Variants in ADCY5 observed in about 807,000 individuals in gnomAD.
The protein encoded by ADCY5 is adenylate cyclase 5.
In ADCY5, 30 loss-of-function variants were observed where a neutral mutation model predicts 119.7. The ratio of observed to expected loss-of-function variants is 0.25; its 90% CI spans 0.19 to 0.34. The LOEUF (loss-of-function observed/expected upper bound fraction) is 0.34. Ranked by LOEUF, ADCY5 falls within the 10% of genes least tolerant of loss-of-function variation. ADCY5 has a pLI of 1.00. For missense variants in ADCY5, 1,324 were observed against 1,775.2 expected (o/e 0.75, Z 4.57); for synonymous variants, 753 against 762.2 (o/e 0.99, Z 0.20).
chr3:123,374,444 G>A (rs1021844976), intron 1 of ADCY5, among the ~76,000 whole-genome samples: 5 of 152,220 alleles, frequency 3.3e-5, no homozygotes, highest in Admixed American at 3.3e-4. Context: ...TGCTTACAGT[G>A]TGCAGGTATA....
At position 123,449,003 on chromosome 3, in the gene ADCY5, G is replaced by C. The variant is rs1945883044; in HGVS notation, c.-458C>G. The C allele has an allele frequency of 6.3e-6, 1 of 157,684 alleles. No homozygotes were observed. The highest frequency in any genetic ancestry group is 2.4e-5 in the African/African-American group (1 of 41,658). 9.8% of individuals were successfully genotyped at this position (157,684 alleles called of 1,614,324 possible). A position where few individuals can be genotyped will look rare whatever the true frequency, so the allele number is the denominator to read the frequency against. On this transcript the variant is annotated 5_prime_UTR_variant, in exon 1 of 21. Transcript: ENST00000462833. ...CTAAGCGGAGCCCAGCTGCTCTCGGGGCTCGGCGGCGGCGAGGGCGGCTCG... is the reference window on the plus strand; with the variant it reads ...CTAAGCGGAGCCCAGCTGCTCTCGGCGCTCGGCGGCGGCGAGGGCGGCTCG...
intron 7 of ADCY5, among the ~76,000 whole-genome samples, chr3:123,326,784 GTGTCCCTCTGA>G (rs61189424): frequency 0.47 from 71,064 of 151,740 alleles, 18,285 homozygotes; most frequent in Non-Finnish European, 0.6. Flanking sequence ...GTAGGATAAG[GTGTCCCTCTGA>G]TGTCCCTCTT....
At chr3:123,288,284 G>A (rs1014971375) in intron 19 of ADCY5, among the ~76,000 whole-genome samples, 5 of 152,248 alleles carry the variant, frequency 3.3e-5, no homozygotes, top group Admixed American at 3.3e-4. Flanking sequence ...GGTATAATGT[G>A]TTAATTTTGA....
intron 1 of ADCY5, among the ~76,000 whole-genome samples, chr3:123,445,742 T>C (rs9823553): frequency 0.99 from 150,478 of 152,264 alleles, 74,384 homozygotes; most frequent in East Asian, 1. Flanking sequence ...ACTTACTCCA[T>C]TCACTGGACC....
At chr3:123,431,935 C>A (rs774141440) in intron 1 of ADCY5, among the ~76,000 whole-genome samples, 1 of 152,186 alleles carries the variant, frequency 6.6e-6, no homozygotes, top group Non-Finnish European at 1.5e-5. Context: ...TCAATCCTGG[C>A]GCACAACAGA....
At position 123,286,847 on chromosome 3, in the gene ADCY5, C is replaced by T. The variant is rs1017888145; in HGVS notation, c.3533-38G>A. 3.2e-6 allele frequency: 5 copies of T among 1,543,006 alleles called. No individual in the cohort carries two copies. The African/African-American group carries it at 5.5e-5, about 17-fold the overall frequency. Reference sequence around the variant, plus strand: ...GGAATCAGCCACAGTCATCACATCTCTGGCTTGACCTTGCCACCATCTGTC... The same window carrying T: ...GGAATCAGCCACAGTCATCACATCTTTGGCTTGACCTTGCCACCATCTGTC... On this transcript the variant is annotated intron_variant, in intron 19 of 20. Transcript: ENST00000462833. The surrounding 1 kb of genome is among the most constrained non-coding windows in gnomAD (Gnocchi z 4.2).
rs1287494320 is a variant in ADCY5, at chr3:123,447,918, G to A, written c.628C>T (p.Leu210=). ...GAVLSLGACC[L]ALLQIFRSKK... is the part of the protein sequence containing the mutation. Reference sequence around the variant, plus strand: ...GAGCGGAATATCTGCAGCAACGCCAGGCAGCAGGCGCCCAGGGACAGCACC... The same window carrying A: ...GAGCGGAATATCTGCAGCAACGCCAAGCAGCAGGCGCCCAGGGACAGCACC... Residue 210 remains leucine, a synonymous_variant, in exon 1 of 21, where the codon CTG becomes TTG. Coordinates refer to ENST00000462833, the MANE Select transcript of ADCY5 (RefSeq NM_183357.3). 2 of 1,607,320 alleles carry A rather than the reference G, an allele frequency of 1.2e-6. No homozygotes were observed. Among genetic ancestry groups the A allele is most frequent in the Admixed American group, 1.7e-5 (1 of 59,584 alleles).
intron 1 of ADCY5, among the ~76,000 whole-genome samples, chr3:123,400,018 A>G (rs1221990417): frequency 6.6e-6 from 1 of 152,218 alleles, no homozygotes; most frequent in Admixed American, 6.5e-5. Flanking sequence ...CAGTAAGCAC[A>G]ATGAACATGG....
In ADCY5 at chr3:123,447,911, A is replaced by G. The variant is rs762626476; in HGVS notation, c.635T>C (p.Leu212Ser). The G allele has an allele frequency of 6.2e-7, 1 of 1,609,378 alleles. No homozygotes were observed. Among genetic ancestry groups the G allele is most frequent in the Admixed American group, 1.7e-5 (1 of 59,744 alleles). Residue 212 changes from leucine to serine, a missense_variant, in exon 1 of 21, where the codon TTG becomes TCG. Around this residue, in one of 6 missense-constraint regions of ADCY5, gnomAD observed 585 missense variants for 569.9 expected, o/e 1.03. Coordinates refer to ENST00000462833, the MANE Select transcript of ADCY5 (RefSeq NM_183357.3). The stretch of plus-strand genomic sequence containing the variant: ...CTTCTTGGAGCGGAATATCTGCAGC[A>G]ACGCCAGGCAGCAGGCGCCCAGGGA... Reference protein sequence around the residue: ...VLSLGACCLALLQIFRSKKFP... With the variant: ...VLSLGACCLASLQIFRSKKFP...
Position 123,406,911 on chromosome 3 carries a change from G to A in ADCY5, c.1134+40501C>T, listed in dbSNP as rs575528511. 2.7e-4 allele frequency among the ~76,000 whole-genome samples: 41 copies of A among 152,198 alleles called. No homozygotes were observed. The South Asian group carries it at 3.3e-3, about 12-fold the overall frequency. On this transcript the variant is annotated intron_variant, in intron 1 of 20. Transcript: ENST00000462833. ...GCACACCCACCCTGCAGGCCAAGCCGCCGCCACTGCTCCTGCTCCTATGGG... is the reference window on the plus strand; with the variant it reads ...GCACACCCACCCTGCAGGCCAAGCCACCGCCACTGCTCCTGCTCCTATGGG...
intron 3 of ADCY5, among the ~76,000 whole-genome samples, chr3:123,344,300 T>C (rs934157818): frequency 6.6e-6 from 1 of 152,204 alleles, no homozygotes; most frequent in Admixed American, 6.5e-5. Flanking sequence ...AATTGATGAA[T>C]GTGACTCATC....
chr3:123,448,197 G>A lies in ADCY5; in HGVS notation c.349C>T (p.Arg117Trp). 1.6e-6 allele frequency: 2 copies of A among 1,239,932 alleles called. No homozygotes were observed. Among genetic ancestry groups the A allele is most frequent in the Non-Finnish European group, 2.0e-6 (2 of 993,240 alleles). 76.8% of individuals were successfully genotyped at this position (1,239,932 alleles called of 1,614,324 possible). ...CCGCTGGCCGCGCCCCGCCGCTGCC[G>A]GCGGCTGCCGCGACCGCAGTCGTCG... is the stretch of plus-strand genomic sequence containing the variant. ...GGDDCGRGSR[R>W]QRRGAASGGS... is the part of the protein sequence containing the mutation. The change falls in exon 1 of 21, where the codon CGG becomes TGG. Residue 117 changes from arginine to tryptophan, a missense_variant. Transcript: ENST00000462833.
At chr3:123,429,556 G>C (rs1945480904) in intron 1 of ADCY5, among the ~76,000 whole-genome samples, 1 of 152,036 alleles carries the variant, frequency 6.6e-6, no homozygotes, top group African/African-American at 2.4e-5. Flanking sequence ...CATCCTGAAG[G>C]CTTCTTCACT....
intron 19 of ADCY5, among the ~76,000 whole-genome samples, chr3:123,287,494 G>A (rs189166275): frequency 5.3e-5 from 8 of 152,252 alleles, no homozygotes; most frequent in African/African-American, 7.2e-5. Context: ...CTCCAGGCAC[G>A]GGGCATTCCC....
chr3:123,386,018 C>T (rs1453133626), intron 1 of ADCY5, among the ~76,000 whole-genome samples: 1 of 152,074 alleles, frequency 6.6e-6, no homozygotes. Context: ...TAAGTGACAG[C>T]GCCACAGGAC....
intron 1 of ADCY5, among the ~76,000 whole-genome samples, chr3:123,415,275 G>T (rs768258982): frequency 4.6e-5 from 7 of 152,202 alleles, no homozygotes; most frequent in Non-Finnish European, 7.3e-5. Flanking sequence ...CAGGGGACAG[G>T]GTGGAACCCT....
intron 8 of ADCY5, among the ~76,000 whole-genome samples, chr3:123,322,922 G>A (rs1941295869): frequency 6.6e-6 from 1 of 152,160 alleles, no homozygotes; most frequent in African/African-American, 2.4e-5. Flanking sequence ...CTGCTTCAGT[G>A]GACTGTTTCT....
Position 123,448,711 on chromosome 3 carries a change from C to A in ADCY5, c.-166G>T. ...GGCATCTTGGCACCCCCGTCCTGAG[C>A]GGAGGAGGAGGGCACAGCCCCGAGG... On this transcript the variant is annotated 5_prime_UTR_variant, in exon 1 of 21. Coordinates refer to ENST00000462833, the MANE Select transcript of ADCY5 (RefSeq NM_183357.3). The A allele has an allele frequency of 1.9e-6, 1 of 534,354 alleles. No homozygotes were observed. Among genetic ancestry groups the A allele is most frequent in the Non-Finnish European group, 2.8e-6 (1 of 351,100 alleles). 33.1% of individuals were successfully genotyped at this position (534,354 alleles called of 1,614,324 possible). A position where few individuals can be genotyped will look rare whatever the true frequency, so the allele number is the denominator to read the frequency against.
At chr3:123,361,312 C>T (rs564723218) in intron 1 of ADCY5, among the ~76,000 whole-genome samples, 164 of 152,154 alleles carry the variant, frequency 1.1e-3, no homozygotes, top group Non-Finnish European at 1.7e-3. Flanking sequence ...AGCTTCCCTT[C>T]GTTATTTTTT....
Sources: gnomAD v4.1 joint callset for allele counts (sites outside exome capture counted in the v4.1 genomes callset) on GRCh38, gnomAD v4.1.1 for gene constraint, gnomAD v4.1.1 regional missense constraint, Gnocchi (gnomAD v3.1) non-coding constraint, MANE v1.5 for transcripts, NCBI Gene and HGNC (gene_info 2026-07-23, HGNC 2026-07-21) for gene names.